TBC1D4: variants seen among roughly 807,000 people sequenced by gnomAD.
TBC1D4 encodes the protein TBC (Tre-2, BUB2, CDC16) domain-containing protein.
Under a neutral mutation model 142.5 loss-of-function variants are expected in TBC1D4, and 121 were observed. The observed-to-expected ratio is 0.85, with a 90% CI of 0.73 to 0.99. The LOEUF is 0.99. TBC1D4 is among the 50% of genes least tolerant of loss of function. The pLI is 0.00. For synonymous variants in TBC1D4, 630 were observed against 628.2 expected (o/e 1.00, Z -0.04); for missense variants, 1,475 against 1,606.6 (o/e 0.92, Z 1.40).
intron 1 of TBC1D4, among the ~76,000 whole-genome samples, chr13:75,373,605 A>AGG (rs1883336908): frequency 6.6e-6 from 1 of 152,164 alleles, no homozygotes; most frequent in Admixed American, 6.5e-5. Context: ...CAACCCTCAC[A>AGG]GTAGAGGTCA....
chr13:75,403,027 T>A (rs373293240), intron 1 of TBC1D4, among the ~76,000 whole-genome samples: 1 of 152,204 alleles, frequency 6.6e-6, no homozygotes, highest in Non-Finnish European at 1.5e-5. Flanking sequence ...TTTGCAGTCA[T>A]GGGGAAAGAA....
chr13:75,444,714 T>C (rs532519256), intron 1 of TBC1D4, among the ~76,000 whole-genome samples: 2 of 152,302 alleles, frequency 1.3e-5, no homozygotes, highest in South Asian at 4.1e-4. Context: ...ACAATACCCC[T>C]GGCTCTGGGG....
intron 1 of TBC1D4, among the ~76,000 whole-genome samples, chr13:75,386,607 C>A (rs1011135991): frequency 6.6e-6 from 1 of 151,984 alleles, no homozygotes; most frequent in Non-Finnish European, 1.5e-5. Context: ...CCAGGATGGT[C>A]TCGATCTCCT....
rs896093504 is a variant in TBC1D4 at position 75,369,965 on chromosome 13, G to A, written c.499-7358C>T. On this transcript the variant is annotated intron_variant, in intron 1 of 20. Coordinates refer to ENST00000377636, the MANE Select transcript of TBC1D4 (RefSeq NM_014832.5). ...AGGGATTTTAGTGAACATTTCCAAG[G>A]AGAAAAATAATGCAGGGAAGGCAGA... Among the ~76,000 whole-genome samples, 7 of 152,098 alleles carry A rather than the reference G, an allele frequency of 4.6e-5. 1 individual carries two copies. Among genetic ancestry groups the A allele is most frequent in the African/African-American group, 1.7e-4 (7 of 41,410 alleles).
chr13:75,326,061 CTT>C, intron 10 of TBC1D4, 134 bp downstream of exon 10: 1 of 1,000,044 alleles, frequency 1.0e-6, no homozygotes, highest in Non-Finnish European at 1.5e-6. Flanking sequence ...AATGAGGTAA[CTT>C]AATTTGTTTT....
At chr13:75,301,586 A>C (rs1427027276) in intron 16 of TBC1D4, among the ~76,000 whole-genome samples, 2 of 151,742 alleles carry the variant, frequency 1.3e-5, no homozygotes, top group African/African-American at 4.8e-5. Flanking sequence ...CGGAGCTTGC[A>C]GTGAGCAGAG....
At chr13:75,381,392 T>A (rs1883838992) in intron 1 of TBC1D4, among the ~76,000 whole-genome samples, 1 of 152,234 alleles carries the variant, frequency 6.6e-6, no homozygotes, top group African/African-American at 2.4e-5. Flanking sequence ...TTAGGATTTC[T>A]AATTTTAAAC....
chr13:75,396,823 A>G (rs1436524635), intron 1 of TBC1D4, among the ~76,000 whole-genome samples: 1 of 152,148 alleles, frequency 6.6e-6, no homozygotes, highest in Non-Finnish European at 1.5e-5. Flanking sequence ...TTCTTTGCCT[A>G]TGACACTGAA....
chr13:75,366,036 G>T (rs565238204), intron 1 of TBC1D4, among the ~76,000 whole-genome samples: 8 of 151,884 alleles, frequency 5.3e-5, no homozygotes, highest in African/African-American at 1.7e-4. Flanking sequence ...TTTCCAGAAT[G>T]ACTCTAAATG....
intron 8 of TBC1D4, among the ~76,000 whole-genome samples, chr13:75,328,462 C>T (rs765114425): frequency 2.5e-4 from 38 of 151,970 alleles, no homozygotes; most frequent in Non-Finnish European, 4.9e-4. Flanking sequence ...AGAAAGAGAT[C>T]TAAGAGATCA....
chr13:75,401,701 T>A (rs954587089), intron 1 of TBC1D4, among the ~76,000 whole-genome samples: 1 of 152,122 alleles, frequency 6.6e-6, no homozygotes, highest in African/African-American at 2.4e-5. Flanking sequence ...TGCTTTGGGG[T>A]TGATTTTTGT....
intron 1 of TBC1D4, among the ~76,000 whole-genome samples, chr13:75,440,039 A>G (rs1303838170): frequency 6.6e-6 from 1 of 152,200 alleles, no homozygotes; most frequent in African/African-American, 2.4e-5. Context: ...ATAGAACACA[A>G]TCATTGGACA....
chr13:75,457,251 A>T (rs975732555), intron 1 of TBC1D4, among the ~76,000 whole-genome samples: 2 of 152,174 alleles, frequency 1.3e-5, no homozygotes, highest in African/African-American at 4.8e-5. Context: ...TAACTAATTA[A>T]ATGGTTTATG....
chr13:75,312,087 T>C (rs969483695), intron 13 of TBC1D4, among the ~76,000 whole-genome samples: 1 of 151,036 alleles, frequency 6.6e-6, no homozygotes, highest in African/African-American at 2.4e-5. Context: ...GATTGTTCTA[T>C]CTGTTTGTTT....
intron 1 of TBC1D4, among the ~76,000 whole-genome samples, chr13:75,418,997 A>G (rs1886042738): frequency 6.6e-6 from 1 of 152,160 alleles, no homozygotes; most frequent in Admixed American, 6.5e-5. Context: ...ATAACTCCAA[A>G]AGGGTTGGGA....
At chr13:75,358,357 T>C (rs1006338817) in intron 3 of TBC1D4, among the ~76,000 whole-genome samples, 1 of 152,222 alleles carries the variant, frequency 6.6e-6, no homozygotes, top group African/African-American at 2.4e-5. Context: ...TAAATACTTT[T>C]CAGTTAAAAT....
intron 11 of TBC1D4, among the ~76,000 whole-genome samples, chr13:75,321,791 C>T (rs1266914680): frequency 1.3e-5 from 2 of 151,858 alleles, no homozygotes; most frequent in African/African-American, 4.8e-5. Flanking sequence ...TAGAAATAAC[C>T]CATATGTCTA....
At position 75,286,082 on chromosome 13, in the gene TBC1D4, A is replaced by T. The variant is rs1396923222; in HGVS notation, c.*710T>A. 2 of 152,628 alleles carry T rather than the reference A, an allele frequency of 1.3e-5. No homozygotes were observed. Among genetic ancestry groups the T allele is most frequent in the South Asian group, 2.1e-4 (1 of 4,820 alleles). The allele number at this position is 152,628 out of a possible 1,614,324, so 9.5% of individuals were successfully genotyped here. On this transcript the variant is annotated 3_prime_UTR_variant, in exon 21 of 21. Coordinates refer to ENST00000377636, the MANE Select transcript of TBC1D4 (RefSeq NM_014832.5). ...TTCTCCTTTACCTTGAGCTGGGTAG[A>T]CTCAGCCACAATGTCCTACTGTCTC...
At chr13:75,424,869 G>C (rs73537549) in intron 1 of TBC1D4, among the ~76,000 whole-genome samples, 1 of 152,008 alleles carries the variant, frequency 6.6e-6, no homozygotes, top group African/African-American at 2.4e-5. Context: ...AACTCAAACC[G>C]AATTAAAGAC....
Sources: gnomAD v4.1 joint callset for allele counts (sites outside exome capture counted in the v4.1 genomes callset) on GRCh38, gnomAD v4.1.1 for gene constraint, MANE v1.5 for transcripts, NCBI Gene and HGNC (gene_info 2026-07-23, HGNC 2026-07-21) for gene names.